Variants in TM4SF5 observed in about 807,000 individuals in gnomAD.
The protein encoded by TM4SF5 is transmembrane 4 L six family member 5, also known as transmembrane 4 L6 family member 5.
TM4SF5 carries 16 observed loss-of-function variants against 22.3 expected under a neutral mutation model. That is an observed-to-expected ratio of 0.72 (90% CI 0.49 to 1.09). The LOEUF (loss-of-function observed/expected upper bound fraction) is 1.09. TM4SF5 is among the 50% of genes least tolerant of loss of function. The probability of loss-of-function intolerance (pLI) is 0.00; values close to 1 mark genes in which losing one functional copy is unlikely to be tolerated. For missense variants in TM4SF5, 249 were observed against 266.1 expected (o/e 0.94, Z 0.45); for synonymous variants, 113 against 109.6 (o/e 1.03, Z -0.19).
chr17:4,781,602 G>A (rs1013746385), intron 2 of TM4SF5, among the ~76,000 whole-genome samples: 5 of 151,860 alleles, frequency 3.3e-5, no homozygotes, highest in Non-Finnish European at 7.4e-5. Context: ...TGCAGCTTCC[G>A]CCTCCCTAGT....
intron 1 of TM4SF5, among the ~76,000 whole-genome samples, chr17:4,774,247 T>G (rs1326804142): frequency 6.6e-6 from 1 of 151,626 alleles, no homozygotes; most frequent in Non-Finnish European, 1.5e-5. Flanking sequence ...CACTGCTGTA[T>G]ATCACAGGGA....
intron 1 of TM4SF5, among the ~76,000 whole-genome samples, chr17:4,776,677 G>GT (rs1375690962): frequency 5.9e-5 from 9 of 152,172 alleles, no homozygotes; most frequent in African/African-American, 2.2e-4. Flanking sequence ...AAATATTCTT[G>GT]TAGATGTATT....
At chr17:4,781,135 TAAAAAAAAAAA>T (rs541886050) in intron 2 of TM4SF5, among the ~76,000 whole-genome samples, 2 of 125,170 alleles carry the variant, frequency 1.6e-5, no homozygotes, top group African/African-American at 3.1e-5. Flanking sequence ...AGCAGTGATT[TAAAAAAAAAAA>T]AAAAAAAAAA....
At chr17:4,775,644 T>C (rs1917190862) in intron 1 of TM4SF5, among the ~76,000 whole-genome samples, 1 of 152,048 alleles carries the variant, frequency 6.6e-6, no homozygotes, top group African/African-American at 2.4e-5. Context: ...ACCCAGATCC[T>C]TAGTACACAG....
intron 1 of TM4SF5, among the ~76,000 whole-genome samples, chr17:4,774,246 A>G (rs901817600): frequency 6.6e-6 from 1 of 150,978 alleles, no homozygotes; most frequent in African/African-American, 2.4e-5. Flanking sequence ...GCACTGCTGT[A>G]TATCACAGGG....
chr17:4,783,071 C>T lies in TM4SF5; in HGVS notation c.579+34C>T, dbSNP rs201782830. On this transcript the variant is annotated intron_variant, in intron 4 of 4. Coordinates refer to ENST00000270560, the MANE Select transcript of TM4SF5 (RefSeq NM_003963.3). ...TCTTGCGGTGGAGTTGTAGAGGGAA[C>T]CTGCCTGGTCCTGGCTGCGTTCTCA... 2.9e-5 allele frequency: 47 copies of T among 1,614,030 alleles called. 1 individual carries two copies. The East Asian group carries it at 3.3e-4, about 11-fold the overall frequency.
chr17:4,774,032 A>G lies in TM4SF5; in HGVS notation c.177+1933A>G, dbSNP rs544484085. On this transcript the variant is annotated intron_variant, in intron 1 of 4. Transcript: ENST00000270560. ...GGAGTTCAAGACCAGCCTGGCCAAC[A>G]TGGTGAAACCCCGTCTCTACTTAAA... is the stretch of plus-strand genomic sequence containing the variant. Among the ~76,000 whole-genome samples, 3 of 152,318 alleles carry G rather than the reference A, an allele frequency of 2.0e-5. No individual in the cohort carries two copies. The East Asian group carries it at 5.8e-4, about 29-fold the overall frequency.
chr17:4,772,284 T>C (rs1046188565), intron 1 of TM4SF5, among the ~76,000 whole-genome samples, 185 bp downstream of exon 1: 1 of 152,172 alleles, frequency 6.6e-6, no homozygotes, highest in Non-Finnish European at 1.5e-5. Flanking sequence ...GCTGAATGTC[T>C]GTGGGGCACA....
intron 1 of TM4SF5, 135 bp from the exon 2 acceptor site, chr17:4,780,654 C>T (rs774312067): frequency 1.9e-4 from 113 of 583,562 alleles, no homozygotes; most frequent in Middle Eastern, 2.7e-4. Context: ...CTCCAGGAGA[C>T]GTAGAGATAA....
chr17:4,773,701 C>T (rs1285245383), intron 1 of TM4SF5, among the ~76,000 whole-genome samples: 5 of 152,164 alleles, frequency 3.3e-5, no homozygotes, highest in Non-Finnish European at 5.9e-5. Flanking sequence ...TCTACTCTAT[C>T]GCTCTAAACT....
intron 1 of TM4SF5, among the ~76,000 whole-genome samples, chr17:4,778,154 G>A (rs138103484): frequency 5.5e-4 from 84 of 152,274 alleles, no homozygotes; most frequent in Non-Finnish European, 1.2e-3. Flanking sequence ...ACCTAACCAG[G>A]GAGGTAAAGT....
intron 1 of TM4SF5, among the ~76,000 whole-genome samples, chr17:4,776,129 G>A (rs773593794): frequency 5.9e-5 from 9 of 151,788 alleles, no homozygotes; most frequent in Non-Finnish European, 8.8e-5. Context: ...GATTACGAGC[G>A]TGAGCCACCG....
chr17:4,782,165 C>T (rs1176568872), intron 2 of TM4SF5, among the ~76,000 whole-genome samples: 1 of 150,906 alleles, frequency 6.6e-6, no homozygotes, highest in African/African-American at 2.4e-5. Context: ...GGTGCGATCT[C>T]GGCTCATTGC....
chr17:4,782,498 T>C lies in TM4SF5; in HGVS notation c.259-5T>C, dbSNP rs761590119. 5.0e-6 allele frequency: 8 copies of C among 1,613,836 alleles called. No individual in the cohort carries two copies. In the African/African-American group the frequency reaches 6.7e-5, roughly 13 times the overall value. ...GCCTTACCTCCCCTTCCACACCACA[T>C]CCAGATGCTGCGCTCGGTCTTCTCC... is the stretch of plus-strand genomic sequence containing the variant. On this transcript the variant is annotated splice_region_variant and splice_polypyrimidine_tract_variant and intron_variant, in intron 2 of 4. Coordinates refer to ENST00000270560, the MANE Select transcript of TM4SF5 (RefSeq NM_003963.3).
At chr17:4,778,062 C>T (rs1429818776) in intron 1 of TM4SF5, among the ~76,000 whole-genome samples, 1 of 151,926 alleles carries the variant, frequency 6.6e-6, no homozygotes, top group Non-Finnish European at 1.5e-5. Context: ...AAGCAGAAAC[C>T]TCAGACAAGT....
Position 4,772,041 on chromosome 17 carries a change from C to A in TM4SF5, c.119C>A (p.Thr40Asn). ...AATGGGGAGACCTCCTGGACCAACA[C>A]CAACCATCTCAGCTTGCAAGTCTGG... is the stretch of plus-strand genomic sequence containing the variant. ...VPNGETSWTN[T>N]NHLSLQVWLM... The change falls in exon 1 of 5, where the codon ACC becomes AAC. Residue 40 changes from threonine to asparagine, a missense_variant. Coordinates refer to ENST00000270560, the MANE Select transcript of TM4SF5 (RefSeq NM_003963.3). The A allele has an allele frequency of 6.2e-7, 1 of 1,614,214 alleles. No individual in the cohort carries two copies. Among genetic ancestry groups the A allele is most frequent in the South Asian group, 1.1e-5 (1 of 91,088 alleles).
intron 1 of TM4SF5, among the ~76,000 whole-genome samples, chr17:4,778,017 G>C (rs1384049165): frequency 6.6e-6 from 1 of 151,662 alleles, no homozygotes; most frequent in Non-Finnish European, 1.5e-5. Context: ...CTGCACTCCA[G>C]TCTGGGCAAC....
chr17:4,778,973 C>T lies in TM4SF5; in HGVS notation c.178-1816C>T, dbSNP rs61266972. Among the ~76,000 whole-genome samples, 591 of 149,380 alleles carry T rather than the reference C, an allele frequency of 4.0e-3. 5 individuals carry two copies. The highest frequency in any genetic ancestry group is 0.014 in the African/African-American group (572 of 40,374). On this transcript the variant is annotated intron_variant, in intron 1 of 4. Transcript: ENST00000270560. ...TCAGGAGGCTGAGGCAGGAGAATCACTTGAACCTGGGAGGTGGAGGTTGCA... is the reference window on the plus strand; with the variant it reads ...TCAGGAGGCTGAGGCAGGAGAATCATTTGAACCTGGGAGGTGGAGGTTGCA...
chr17:4,778,163 G>C (rs897386812), intron 1 of TM4SF5, among the ~76,000 whole-genome samples: 1 of 152,202 alleles, frequency 6.6e-6, no homozygotes, highest in Non-Finnish European at 1.5e-5. Flanking sequence ...GGGAGGTAAA[G>C]TAAGGTGTCA....
Sources: gnomAD v4.1 joint callset for allele counts (sites outside exome capture counted in the v4.1 genomes callset) on GRCh38, gnomAD v4.1.1 for gene constraint, MANE v1.5 for transcripts, NCBI Gene and HGNC (gene_info 2026-07-23, HGNC 2026-07-21) for gene names.